The following METTL15 variants were observed in gnomAD, a reference collection of about 807,000 sequenced individuals.
The protein encoded by METTL15 is 12S rRNA N(4)-cytidine methyltransferase METTL15.
Under a neutral mutation model 38.3 loss-of-function variants are expected in METTL15, and 34 were observed. The observed-to-expected ratio is 0.89, with a 90% CI of 0.68 to 1.18. METTL15 has a LOEUF of 1.18. METTL15 is among the 50% of genes most tolerant of loss of function. The pLI, the probability that METTL15 is intolerant of heterozygous loss-of-function variation, is 0.00. For synonymous variants in METTL15, 162 were observed against 170.9 expected, an observed-to-expected ratio of 0.95 and a Z score of 0.41; for missense variants, 438 against 498.4, an observed-to-expected ratio of 0.88 and a Z score of 1.15.
intron 6 of METTL15, among the ~76,000 whole-genome samples, chr11:28,314,939 T>C (rs1463260276): frequency 6.6e-6 from 1 of 152,212 alleles, no homozygotes; most frequent in Non-Finnish European, 1.5e-5. Context: ...CCTTCTACTA[T>C]GATTGTGAGG....
intron 5 of METTL15, among the ~76,000 whole-genome samples, chr11:28,294,323 T>C (rs1298588388): frequency 2.0e-5 from 3 of 152,188 alleles, no homozygotes; most frequent in Non-Finnish European, 4.4e-5. Flanking sequence ...CCAAGTGGTA[T>C]ATGTTTGCCT....
chr11:28,133,089 G>T (rs1462145646), intron 3 of METTL15, among the ~76,000 whole-genome samples: 1 of 152,096 alleles, frequency 6.6e-6, no homozygotes, highest in Non-Finnish European at 1.5e-5. Flanking sequence ...CTAACTGGGG[G>T]TATGGCTTAA....
intron 4 of METTL15, among the ~76,000 whole-genome samples, chr11:28,285,112 C>G (rs1856201495): frequency 6.6e-6 from 1 of 152,116 alleles, no homozygotes; most frequent in African/African-American, 2.4e-5. Context: ...GAAGAAGGTG[C>G]CTGCTTCCCC....
intron 3 of METTL15, among the ~76,000 whole-genome samples, chr11:28,167,524 C>T (rs1850698770): frequency 6.6e-6 from 1 of 151,988 alleles, no homozygotes; most frequent in Non-Finnish European, 1.5e-5. Context: ...TTTTAACTGT[C>T]CCTGAGTCTT....
intron 5 of METTL15, among the ~76,000 whole-genome samples, chr11:28,295,814 T>C (rs1271151227): frequency 6.6e-6 from 1 of 152,088 alleles, no homozygotes; most frequent in South Asian, 2.1e-4. Flanking sequence ...GGTTGGACCC[T>C]CAGTTCTTAA....
intron 6 of METTL15, among the ~76,000 whole-genome samples, chr11:28,469,526 G>A (rs904669112): frequency 1.6e-4 from 25 of 152,246 alleles, no homozygotes; most frequent in African/African-American, 5.5e-4. Context: ...GGATTTGAAT[G>A]CTGACTCCAC....
At chr11:28,236,841 T>C (rs1368211506) in intron 4 of METTL15, among the ~76,000 whole-genome samples, 1 of 152,166 alleles carries the variant, frequency 6.6e-6, no homozygotes, top group Non-Finnish European at 1.5e-5. Context: ...TATAGTATTT[T>C]ATTTCTCCTT....
At chr11:28,508,410 T>C (rs1183324487) in intron 6 of METTL15, among the ~76,000 whole-genome samples, 1 of 152,222 alleles carries the variant, frequency 6.6e-6, no homozygotes, top group Admixed American at 6.5e-5. Context: ...TATCTATCCA[T>C]CATTTCTATT....
chr11:28,312,911 T>C (rs1424289881), intron 6 of METTL15, among the ~76,000 whole-genome samples: 3 of 152,034 alleles, frequency 2.0e-5, no homozygotes, highest in South Asian at 4.2e-4. Flanking sequence ...ACTGTTAACA[T>C]TGGGCATTAA....
rs573143965 is a variant in METTL15 at position 28,238,086 on chromosome 11, G to A, written c.407+26888G>A. Among the ~76,000 whole-genome samples, 78 of 152,312 alleles carry A rather than the reference G, an allele frequency of 5.1e-4. No individual in the cohort carries two copies. The South Asian group carries it at 0.014, about 27-fold the overall frequency. ...ACCCACTTGAGGAGGCAGTCTGCCC[G>A]TTCTCAAATCTCTAGCTGTGTGCTG... On this transcript the variant is annotated intron_variant, in intron 4 of 6. Transcript: ENST00000407364.
In METTL15 at chr11:28,110,505, T is replaced by C. The variant is rs144306638; in HGVS notation, c.-18+104T>C. 6.2e-4 allele frequency: 94 copies of C among 152,244 alleles called. 1 individual carries two copies. Among genetic ancestry groups the C allele is most frequent in the African/African-American group, 2.2e-3 (90 of 41,522 alleles). The allele number at this position is 152,244 out of a possible 1,614,324, so 9.4% of individuals were successfully genotyped here. On this transcript the variant is annotated intron_variant, in intron 2 of 6. Transcript: ENST00000407364. ...GGATTCGTCCGGAGCAAAAGAAAAA[T>C]ACGCCCCTGACCCTCTCCCTCTCTT...
At chr11:28,451,844 A>G (rs1425511101) in intron 6 of METTL15, among the ~76,000 whole-genome samples, 2 of 152,140 alleles carry the variant, frequency 1.3e-5, no homozygotes, top group African/African-American at 4.8e-5. Flanking sequence ...CAGAAAAGTT[A>G]TTGCCTTACA....
chr11:28,437,242 C>T (rs191064556), intron 6 of METTL15, among the ~76,000 whole-genome samples: 3 of 152,134 alleles, frequency 2.0e-5, no homozygotes, highest in Non-Finnish European at 4.4e-5. Flanking sequence ...TGGGACTTCA[C>T]CTTGTGATCA....
intron 6 of METTL15, among the ~76,000 whole-genome samples, chr11:28,326,787 GT>G (rs1046082322): frequency 2.0e-5 from 3 of 151,332 alleles, no homozygotes; most frequent in African/African-American, 4.9e-5. Flanking sequence ...TTGTTTTTTG[GT>G]TTTTGTTTTT....
chr11:28,346,458 T>A (rs1849996956), intron 3 of METTL15, among the ~76,000 whole-genome samples: 1 of 152,212 alleles, frequency 6.6e-6, no homozygotes, highest in Non-Finnish European at 1.5e-5. Flanking sequence ...GAGGACTTTT[T>A]AGGCACTTGA....
rs58050337 is a variant in METTL15 at position 28,409,381 on chromosome 11, CAAAAAAA to C, written c.*359-14900_*359-14894del. Among the ~76,000 whole-genome samples the C allele has an allele frequency of 3.7e-5, 3 of 81,338 alleles. No homozygotes were observed. The South Asian group carries it at 1.8e-3, about 48-fold the overall frequency. 53.4% of individuals were successfully genotyped at this position (81,338 alleles called of 152,430 possible). A position where few individuals can be genotyped will look rare whatever the true frequency, so the allele number is the denominator to read the frequency against. On this transcript the variant is annotated intron_variant and NMD_transcript_variant, in intron 5 of 7. Coordinates refer to the METTL15 transcript ENST00000532947. The stretch of plus-strand genomic sequence containing the variant: ...TGGGAGACAGAGCGAGACTCCGTCT[CAAAAAAA>C]AAAAAAAAAAAAAAAAAGGAATATT...
intron 5 of METTL15, among the ~76,000 whole-genome samples, chr11:28,367,184 A>G (rs1163588449): frequency 6.8e-6 from 1 of 147,998 alleles, no homozygotes; most frequent in East Asian, 2.0e-4. Context: ...CATACTTTAG[A>G]TGTCTAGGAG....
chr11:28,405,864 A>G (rs1209013285), intron 5 of METTL15, among the ~76,000 whole-genome samples: 2 of 152,158 alleles, frequency 1.3e-5, no homozygotes, highest in African/African-American at 2.4e-5. Context: ...ATATTCAATT[A>G]TGAAAACCAT....
chr11:28,179,078 TAGAG>T lies in METTL15; in HGVS notation c.271-31978_271-31975del, dbSNP rs530975190. Among the ~76,000 whole-genome samples the T allele has an allele frequency of 7.1e-3, 1,080 of 151,870 alleles. 9 individuals carry two copies. The highest frequency in any genetic ancestry group is 0.011 in the Non-Finnish European group (741 of 67,758). On this transcript the variant is annotated intron_variant, in intron 3 of 6. Transcript: ENST00000407364. ...AAACATTTCCCCTCTCTGATTTAAATAGAGAGAGAAAATGCACACACCTGTGTGC... is the reference window on the plus strand; with the variant it reads ...AAACATTTCCCCTCTCTGATTTAAATAGAGAAAATGCACACACCTGTGTGC...
Sources: allele counts gnomAD v4.1 joint callset (sites outside exome capture counted in the v4.1 genomes callset), GRCh38; gene constraint gnomAD v4.1.1; transcripts MANE v1.5; gene names NCBI Gene and HGNC (gene_info 2026-07-23, HGNC 2026-07-21).